Variants in UNC5C observed in about 807,000 individuals in gnomAD.
UNC5C encodes unc-5 netrin receptor C, also known as netrin receptor UNC5C.
In UNC5C, 47 loss-of-function variants were observed where a neutral mutation model predicts 99.8. The ratio of observed to expected loss-of-function variants is 0.47; its 90% CI spans 0.37 to 0.60. The LOEUF (loss-of-function observed/expected upper bound fraction) is 0.60, where lower values mean the gene tolerates loss of function less well. UNC5C is among the 20% of genes least tolerant of loss of function. The probability of loss-of-function intolerance (pLI) is 0.00; values close to 1 mark genes in which losing one functional copy is unlikely to be tolerated. For missense variants in UNC5C, 1,062 were observed against 1,165.9 expected (o/e 0.91, Z 1.30); for synonymous variants, 487 against 452.2 (o/e 1.08, Z -0.98).
At chr4:95,496,455 A>G (rs1721633399) in intron 1 of UNC5C, among the ~76,000 whole-genome samples, 1 of 151,886 alleles carries the variant, frequency 6.6e-6, no homozygotes, top group South Asian at 2.1e-4. Context: ...TGTCATTTTA[A>G]CTAGGAAATT....
At chr4:95,477,922 G>A (rs1322301103) in intron 1 of UNC5C, among the ~76,000 whole-genome samples, 1 of 151,876 alleles carries the variant, frequency 6.6e-6, no homozygotes, top group African/African-American at 2.4e-5. Flanking sequence ...GCCTGTCTCT[G>A]GGACCAATTA....
chr4:95,546,779 C>G (rs1248063136), intron 1 of UNC5C, among the ~76,000 whole-genome samples: 3 of 152,154 alleles, frequency 2.0e-5, no homozygotes, highest in Non-Finnish European at 4.4e-5. Context: ...CATTTACAAT[C>G]TGCTGTTTGA....
intron 1 of UNC5C, among the ~76,000 whole-genome samples, chr4:95,531,153 T>A (rs1315059039): frequency 6.6e-6 from 1 of 152,214 alleles, no homozygotes; most frequent in East Asian, 1.9e-4. Context: ...AAATTTTTCT[T>A]TGTTTCCAGA....
chr4:95,348,487 A>G (rs1743861084), intron 1 of UNC5C, among the ~76,000 whole-genome samples: 1 of 151,642 alleles, frequency 6.6e-6, no homozygotes, highest in African/African-American at 2.4e-5. Flanking sequence ...ACTAGTCACA[A>G]TTGCCAAGAT....
intron 1 of UNC5C, among the ~76,000 whole-genome samples, chr4:95,440,890 CA>C (rs1746931067): frequency 6.6e-6 from 1 of 152,112 alleles, no homozygotes; most frequent in African/African-American, 2.4e-5. Flanking sequence ...ACTTTACAAA[CA>C]TTAAGTAATT....
intron 1 of UNC5C, among the ~76,000 whole-genome samples, chr4:95,504,087 C>T (rs371492334): frequency 4.6e-5 from 7 of 152,172 alleles, no homozygotes; most frequent in Non-Finnish European, 1.0e-4. Context: ...TTTATCTTAA[C>T]TCCACATATG....
chr4:95,353,832 A>G (rs1744073517), intron 1 of UNC5C, among the ~76,000 whole-genome samples: 1 of 152,118 alleles, frequency 6.6e-6, no homozygotes, highest in Admixed American at 6.6e-5. Context: ...AACCATTTAA[A>G]AACTCTAATT....
chr4:95,169,425 C>T (rs1433419392), intron 15 of UNC5C, 26 bp from the exon 16 acceptor site: 11 of 1,611,124 alleles, frequency 6.8e-6, no homozygotes, highest in Non-Finnish European at 8.5e-6. Context: ...AGAAAATGTG[C>T]TCAACAGTGT....
chr4:95,313,601 A>G (rs1442842971), intron 2 of UNC5C, among the ~76,000 whole-genome samples: 1 of 152,152 alleles, frequency 6.6e-6, no homozygotes, highest in Non-Finnish European at 1.5e-5. Flanking sequence ...TTTTGCATTT[A>G]TTCCAAATGA....
intron 1 of UNC5C, among the ~76,000 whole-genome samples, chr4:95,371,537 T>C (rs757577325): frequency 6.6e-6 from 1 of 152,236 alleles, no homozygotes; most frequent in East Asian, 1.9e-4. Context: ...CTACATACAT[T>C]GCCTGAGTTC....
intron 11 of UNC5C, among the ~76,000 whole-genome samples, chr4:95,203,520 A>G (rs1467084126): frequency 6.6e-6 from 1 of 152,050 alleles, no homozygotes; most frequent in Non-Finnish European, 1.5e-5. Flanking sequence ...CCCAGGCTGG[A>G]GTTCAGTGGC....
intron 5 of UNC5C, among the ~76,000 whole-genome samples, chr4:95,249,820 A>T (rs578213035): frequency 6.6e-6 from 1 of 152,324 alleles, no homozygotes; most frequent in Non-Finnish European, 1.5e-5. Context: ...ACTTGGCCAG[A>T]TAAGGCAGCC....
At chr4:95,480,240 G>GTTA (rs1721096192) in intron 1 of UNC5C, among the ~76,000 whole-genome samples, 1 of 148,488 alleles carries the variant, frequency 6.7e-6, no homozygotes, top group African/African-American at 2.5e-5. Flanking sequence ...CATTCATAAT[G>GTTA]TATATAATGC....
chr4:95,444,130 C>A (rs1190390391), intron 1 of UNC5C, among the ~76,000 whole-genome samples: 1 of 152,140 alleles, frequency 6.6e-6, no homozygotes, highest in African/African-American at 2.4e-5. Flanking sequence ...GACAGATGGA[C>A]AACAGACTTG....
At chr4:95,485,590 T>C (rs1412953606) in intron 1 of UNC5C, among the ~76,000 whole-genome samples, 1 of 151,804 alleles carries the variant, frequency 6.6e-6, no homozygotes, top group African/African-American at 2.4e-5. Flanking sequence ...ATTTGCTCTG[T>C]GCATTTAACA....
intron 1 of UNC5C, among the ~76,000 whole-genome samples, chr4:95,425,726 T>A (rs535317878): frequency 6.6e-6 from 1 of 152,224 alleles, no homozygotes; most frequent in African/African-American, 2.4e-5. Context: ...CCAAAGAAAT[T>A]GATTAAAAAT....
At chr4:95,268,877 T>A (rs572326732) in intron 4 of UNC5C, among the ~76,000 whole-genome samples, 1 of 152,178 alleles carries the variant, frequency 6.6e-6, no homozygotes, top group Non-Finnish European at 1.5e-5. Context: ...TGTGCACACC[T>A]AAAAGAATGG....
chr4:95,456,758 CT>C (rs1190697683), intron 1 of UNC5C, among the ~76,000 whole-genome samples: 1 of 152,110 alleles, frequency 6.6e-6, no homozygotes, highest in Non-Finnish European at 1.5e-5. Flanking sequence ...ATATTCCATA[CT>C]TCATGCATAG....
chr4:95,223,615 C>T (rs1738558224), intron 7 of UNC5C, among the ~76,000 whole-genome samples: 1 of 152,160 alleles, frequency 6.6e-6, no homozygotes, highest in South Asian at 2.1e-4. Context: ...TATTTTAGAG[C>T]AATGATTGCA....
Sources: gnomAD v4.1 joint callset for allele counts (sites outside exome capture counted in the v4.1 genomes callset) on GRCh38, gnomAD v4.1.1 for gene constraint, MANE v1.5 for transcripts, NCBI Gene and HGNC (gene_info 2026-07-23, HGNC 2026-07-21) for gene names.